The following TP53AIP1 variants were observed in gnomAD, a reference collection of about 807,000 sequenced individuals.
TP53AIP1 encodes the protein p53-regulated apoptosis-inducing protein 1.
A neutral mutation model predicts 9.5 loss-of-function variants in TP53AIP1; 14 were observed. The observed-to-expected ratio is 1.47, with a 90% CI of 0.97 to 2.30. TP53AIP1 has a LOEUF of 2.30. Among genes scored for constraint, TP53AIP1 ranks in the 30% most tolerant of loss-of-function variants. TP53AIP1 has a pLI of 0.00. For synonymous variants in TP53AIP1, 73 were observed against 61.2 expected (o/e 1.19, Z -0.90); for missense variants, 153 against 146.7 (o/e 1.04, Z -0.22).
At position 128,935,450 on chromosome 11, in the gene TP53AIP1, G is replaced by T. The variant is rs77920908; in HGVS notation, c.*141C>A. 1,800 of 1,429,868 alleles carry T rather than the reference G, an allele frequency of 1.3e-3. 20 individuals carry two copies. In the African/African-American group the frequency reaches 0.021, roughly 17 times the overall value. The allele number at this position is 1,429,868 out of a possible 1,614,324, so 88.6% of individuals were successfully genotyped here. A position where few individuals can be genotyped will look rare whatever the true frequency, so the allele number is the denominator to read the frequency against. ...AACCTAGCCACCCAACTGGCCCAGT[G>T]GTCAAGGGGGGAAATGAGGTGGCCG... On this transcript the variant is annotated 3_prime_UTR_variant, in exon 4 of 4. Coordinates refer to ENST00000531399, the MANE Select transcript of TP53AIP1 (RefSeq NM_022112.3).
chr11:128,936,749 A>C, intron 2 of TP53AIP1, 100 bp from the exon 3 acceptor site: 1 of 1,460,376 alleles, frequency 6.8e-7, no homozygotes, highest in Non-Finnish European at 9.0e-7. Context: ...CATGGCATCC[A>C]GGGGCATTTC....
chr11:128,938,594 C>A (rs1424764117), intron 1 of TP53AIP1, among the ~76,000 whole-genome samples: 1 of 152,196 alleles, frequency 6.6e-6, no homozygotes, highest in Non-Finnish European at 1.5e-5. Flanking sequence ...ACCATCCAGT[C>A]TTCCCCGTCC....
chr11:128,937,033 G>C lies in TP53AIP1; in HGVS notation c.142-384C>G. 5.7e-6 allele frequency: 6 copies of C among 1,055,454 alleles called. No individual in the cohort carries two copies. Among genetic ancestry groups the C allele is most frequent in the Non-Finnish European group, 4.6e-6 (4 of 874,514 alleles). The allele number at this position is 1,055,454 out of a possible 1,614,324, so 65.4% of individuals were successfully genotyped here. On this transcript the variant is annotated intron_variant, in intron 2 of 3. Transcript: ENST00000531399. The surrounding 1 kb of genome is among the most constrained non-coding windows in gnomAD (Gnocchi z 4.8). ...AAGTGTGGGCCTCCAGGGAGGTGTA[G>C]GCGCTCCTGGCTCCTGGCAGACTCC...
Position 128,935,972 on chromosome 11 carries a change from T to C in TP53AIP1, c.254-260A>G, listed in dbSNP as rs770167557. ...ATGCTAATGATAACAGTAAGATATG[T>C]AGGACATACTACGTACAGGTGCTGT... On this transcript the variant is annotated intron_variant, in intron 3 of 3. Coordinates refer to ENST00000531399, the MANE Select transcript of TP53AIP1 (RefSeq NM_022112.3). The C allele has an allele frequency of 4.5e-4, 492 of 1,096,934 alleles. 1 individual carries two copies. The highest frequency in any genetic ancestry group is 5.3e-4 in the Admixed American group (13 of 24,700). 68.0% of individuals were successfully genotyped at this position (1,096,934 alleles called of 1,614,324 possible).
chr11:128,942,428 C>A (rs1438178622), intron 1 of TP53AIP1, among the ~76,000 whole-genome samples: 1 of 152,238 alleles, frequency 6.6e-6, no homozygotes, highest in African/African-American at 2.4e-5. Flanking sequence ...GCTAGCTGTG[C>A]GAGCTTGCGC....
At chr11:128,940,866 A>G (rs1300349501) in intron 1 of TP53AIP1, among the ~76,000 whole-genome samples, 1 of 152,178 alleles carries the variant, frequency 6.6e-6, no homozygotes, top group Non-Finnish European at 1.5e-5. Flanking sequence ...TGCCCCCGCT[A>G]GTGTCAGCTT....
Position 128,936,921 on chromosome 11 carries a change from C to T in TP53AIP1, c.142-272G>A, listed in dbSNP as rs1022364508. The stretch of plus-strand genomic sequence containing the variant: ...AACAGACATAAACCGGCGCTTCCTC[C>T]CTCCCATCACCACAGCTCGGGGCTT... On this transcript the variant is annotated intron_variant, in intron 2 of 3. Transcript: ENST00000531399. 4.9e-6 allele frequency: 6 copies of T among 1,213,358 alleles called. No individual in the cohort carries two copies. The African/African-American group carries it at 7.7e-5, about 16-fold the overall frequency. 75.2% of individuals were successfully genotyped at this position (1,213,358 alleles called of 1,614,324 possible). A position where few individuals can be genotyped will look rare whatever the true frequency, so the allele number is the denominator to read the frequency against.
chr11:128,937,948 C>A lies in TP53AIP1; in HGVS notation c.-76-54G>T. 1 of 1,005,792 alleles carries A rather than the reference C, an allele frequency of 9.9e-7. No individual in the cohort carries two copies. Among genetic ancestry groups the A allele is most frequent in the Non-Finnish European group, 1.4e-6 (1 of 701,950 alleles). The allele number at this position is 1,005,792 out of a possible 1,614,324, so 62.3% of individuals were successfully genotyped here. ...AGAAGCAGTGGTGGCAGCGCTGGGC[C>A]AGCAATGATGATTTCTACTGTTAGG... On this transcript the variant is annotated intron_variant, in intron 1 of 3. Coordinates refer to ENST00000531399, the MANE Select transcript of TP53AIP1 (RefSeq NM_022112.3). The surrounding 1 kb of genome is among the most constrained non-coding windows in gnomAD (Gnocchi z 4.8).
Position 128,937,035 on chromosome 11 carries a change from C to T in TP53AIP1, c.142-386G>A, listed in dbSNP as rs920816299. ...GTGTGGGCCTCCAGGGAGGTGTAGGCGCTCCTGGCTCCTGGCAGACTCCTG... is the reference window on the plus strand; with the variant it reads ...GTGTGGGCCTCCAGGGAGGTGTAGGTGCTCCTGGCTCCTGGCAGACTCCTG... On this transcript the variant is annotated intron_variant, in intron 2 of 3. Coordinates refer to ENST00000531399, the MANE Select transcript of TP53AIP1 (RefSeq NM_022112.3). The surrounding 1 kb of genome is among the most constrained non-coding windows in gnomAD (Gnocchi z 4.8). 1.8e-5 allele frequency: 19 copies of T among 1,053,862 alleles called. No homozygotes were observed. The East Asian group carries it at 3.2e-4, about 18-fold the overall frequency. 65.3% of individuals were successfully genotyped at this position (1,053,862 alleles called of 1,614,324 possible).
intron 1 of TP53AIP1, among the ~76,000 whole-genome samples, chr11:128,938,430 C>G (rs78853734): frequency 0.017 from 2,545 of 152,300 alleles, 32 homozygotes; most frequent in Middle Eastern, 0.027. Flanking sequence ...TGCTCTCTCT[C>G]CCACTCACCT....
At chr11:128,942,568 G>A (rs866456415) in intron 1 of TP53AIP1, among the ~76,000 whole-genome samples, 2 of 152,166 alleles carry the variant, frequency 1.3e-5, no homozygotes, top group African/African-American at 2.4e-5. Flanking sequence ...GTGTGTTTTC[G>A]TAAGTCCTCC....
At chr11:128,936,222 T>C (rs1944820522) in intron 3 of TP53AIP1, 4 of 1,094,634 alleles carry the variant, frequency 3.7e-6, no homozygotes, top group East Asian at 6.5e-5. Context: ...AATGGAAGAC[T>C]GCTCATTCCA....
At position 128,937,309 on chromosome 11, in the gene TP53AIP1, C is replaced by G. The variant is rs1280643009; in HGVS notation, c.141+369G>C. 1.5e-6 allele frequency: 2 copies of G among 1,376,896 alleles called. No homozygotes were observed. The highest frequency in any genetic ancestry group is 1.9e-6 in the Non-Finnish European group (2 of 1,069,176). 85.3% of individuals were successfully genotyped at this position (1,376,896 alleles called of 1,614,324 possible). A position where few individuals can be genotyped will look rare whatever the true frequency, so the allele number is the denominator to read the frequency against. Reference sequence around the variant, plus strand: ...AGCCCTGCACCCCAGCCTTCCCTCCCCATGCGCTCCACATGCGTCCTTTGT... The same window carrying G: ...AGCCCTGCACCCCAGCCTTCCCTCCGCATGCGCTCCACATGCGTCCTTTGT... On this transcript the variant is annotated intron_variant, in intron 2 of 3. Transcript: ENST00000531399. This position sits in a 1 kb window ranked among gnomAD's most constrained non-coding sequence, Gnocchi z 4.8.
At position 128,937,995 on chromosome 11, in the gene TP53AIP1, G is replaced by A; in HGVS notation, c.-76-101C>T. The A allele has an allele frequency of 1.4e-6, 1 of 736,480 alleles. No individual in the cohort carries two copies. The highest frequency in any genetic ancestry group is 2.2e-6 in the Non-Finnish European group (1 of 464,458). The allele number at this position is 736,480 out of a possible 1,614,324, so 45.6% of individuals were successfully genotyped here. On this transcript the variant is annotated intron_variant, in intron 1 of 3. Transcript: ENST00000531399. This position sits in a 1 kb window ranked among gnomAD's most constrained non-coding sequence, Gnocchi z 4.8. ...TAGGGTTTCAGTTGTACTTGGATCT[G>A]GGAGGGGGAAGCCGATGCACCCAGA...
Position 128,935,669 on chromosome 11 carries a change from T to C in TP53AIP1, c.297A>G (p.Thr99=). The C allele has an allele frequency of 1.3e-6, 2 of 1,587,488 alleles. No individual in the cohort carries two copies. Among genetic ancestry groups the C allele is most frequent in the South Asian group, 2.3e-5 (2 of 88,434 alleles). Residue 99 remains threonine (T), a synonymous_variant, in exon 4 of 4, where the codon ACA becomes ACG. Transcript: ENST00000531399. The part of the protein sequence containing the change: ...GLSRPFLPGA[T]VLRDRPLGSA... ...ACCCCAGTGGCCTGTCTCTAAGCAC[T>C]GTGGCTCCAGGAAGGAAAGGCCTGG... is the stretch of plus-strand genomic sequence containing the variant.
chr11:128,935,140 C>G, downstream of TP53AIP1: 1 of 768,178 alleles, frequency 1.3e-6, no homozygotes, highest in Non-Finnish European at 2.2e-6. Flanking sequence ...GGGGGACACC[C>G]AGCGGGGGCC....
At chr11:128,938,767 C>T (rs998837476) in intron 1 of TP53AIP1, among the ~76,000 whole-genome samples, 5 of 152,158 alleles carry the variant, frequency 3.3e-5, no homozygotes, top group Non-Finnish European at 7.4e-5. Flanking sequence ...ACAGCAGCGC[C>T]ACCTGCATCA....
At chr11:128,941,607 G>C (rs549043786) in intron 1 of TP53AIP1, among the ~76,000 whole-genome samples, 1 of 152,312 alleles carries the variant, frequency 6.6e-6, no homozygotes, top group African/African-American at 2.4e-5. Flanking sequence ...GCCTCTCCCC[G>C]GTTCCGACAT....
At chr11:128,938,836 C>T (rs540911977) in intron 1 of TP53AIP1, among the ~76,000 whole-genome samples, 1 of 152,118 alleles carries the variant, frequency 6.6e-6, no homozygotes, top group African/African-American at 2.4e-5. Context: ...AAAAAGAATA[C>T]CCTGAAAGCC....
Sources: gnomAD v4.1 joint callset for allele counts (sites outside exome capture counted in the v4.1 genomes callset) on GRCh38, gnomAD v4.1.1 for gene constraint, Gnocchi (gnomAD v3.1) non-coding constraint, MANE v1.5 for transcripts, NCBI Gene and HGNC (gene_info 2026-07-23, HGNC 2026-07-21) for gene names.